Variants in TLK1 observed in about 807,000 individuals in gnomAD.
The protein encoded by TLK1 is tousled like kinase 1, also known as serine/threonine-protein kinase tousled-like 1.
In TLK1, 24 loss-of-function variants were observed where a neutral mutation model predicts 105.3. That is an observed-to-expected ratio of 0.23 (90% CI 0.17 to 0.32). The LOEUF (loss-of-function observed/expected upper bound fraction) is 0.32. Among genes scored for constraint, TLK1 ranks in the 10% least tolerant of loss-of-function variants. The probability of loss-of-function intolerance (pLI) is 1.00; values close to 1 mark genes in which losing one functional copy is unlikely to be tolerated. For missense variants in TLK1, 558 were observed against 910.5 expected (o/e 0.61, Z 4.98); for synonymous variants, 321 against 310.4 (o/e 1.03, Z -0.36).
At chr2:171,210,278 A>T (rs1357466095) in intron 1 of TLK1, among the ~76,000 whole-genome samples, 19 of 147,410 alleles carry the variant, frequency 1.3e-4, no homozygotes, top group Admixed American at 1.1e-3. Flanking sequence ...TTTTTTTATT[A>T]TTTTTTTTTT....
At position 170,993,776 on chromosome 2, in the gene TLK1, A is replaced by G; in HGVS notation, c.*4T>C. 1.3e-6 allele frequency: 2 copies of G among 1,557,804 alleles called. No homozygotes were observed. Among genetic ancestry groups the G allele is most frequent in the Non-Finnish European group, 1.7e-6 (2 of 1,150,880 alleles). On this transcript the variant is annotated 3_prime_UTR_variant, in exon 21 of 21. Transcript: ENST00000431350. ...AAAGATATCATGCCAATCTTGGAGG[A>G]AAGTCAGTAAGTAATTATGCTTGAA...
intron 5 of TLK1, 128 bp from the exon 6 acceptor site, chr2:171,056,694 G>GAA: frequency 2.0e-6 from 1 of 508,664 alleles, no homozygotes; most frequent in Non-Finnish European, 3.1e-6. Flanking sequence ...AATGGGTCCA[G>GAA]AACAAAAAAA....
chr2:171,080,022 A>ATT (rs1553473966), intron 3 of TLK1, among the ~76,000 whole-genome samples: 2 of 151,978 alleles, frequency 1.3e-5, no homozygotes, highest in Non-Finnish European at 2.9e-5. Flanking sequence ...GGAGAAAGCA[A>ATT]TTTTTTTTAA....
chr2:171,124,277 A>C, intron 1 of TLK1, among the ~76,000 whole-genome samples: 1 of 152,228 alleles, frequency 6.6e-6, no homozygotes, highest in Admixed American at 6.5e-5. Flanking sequence ...AAATGACTTT[A>C]CCACATTCTT....
rs1692449438 is a variant in TLK1, at chr2:171,160,613, G to A, written c.-185C>T. 1.1e-6 allele frequency: 1 copy of A among 893,910 alleles called. No individual in the cohort carries two copies. Among genetic ancestry groups the A allele is most frequent in the African/African-American group, 1.8e-5 (1 of 56,516 alleles). The allele number at this position is 893,910 out of a possible 1,614,324, so 55.4% of individuals were successfully genotyped here. A position where few individuals can be genotyped will look rare whatever the true frequency, so the allele number is the denominator to read the frequency against. On this transcript the variant is annotated 5_prime_UTR_variant, in exon 1 of 21. Transcript: ENST00000431350. This position sits in a 1 kb window ranked among gnomAD's most constrained non-coding sequence, Gnocchi z 4.4. The stretch of plus-strand genomic sequence containing the variant: ...GGGGAGGTGGGGAGGAAAGAGGTGA[G>A]GGAAGGAGAGGGGACAGGGAGGAGG...
intron 11 of TLK1, among the ~76,000 whole-genome samples, chr2:171,034,660 A>C (rs962291344): frequency 4.6e-5 from 7 of 152,172 alleles, no homozygotes; most frequent in Non-Finnish European, 8.8e-5. Context: ...ACTAGAGAGA[A>C]GTGATGGTAC....
intron 2 of TLK1, among the ~76,000 whole-genome samples, chr2:171,094,928 G>C (rs908852118): frequency 6.6e-6 from 1 of 152,094 alleles, no homozygotes; most frequent in Admixed American, 6.6e-5. Flanking sequence ...TTTTCTAAAG[G>C]GGGAGAAGAG....
chr2:171,157,343 T>C (rs1163941886), intron 1 of TLK1, among the ~76,000 whole-genome samples: 3 of 152,172 alleles, frequency 2.0e-5, no homozygotes, highest in African/African-American at 4.8e-5. Flanking sequence ...GGCCTTTACT[T>C]GAAAACCTTT....
At chr2:171,228,236 G>A (rs1693935724) in intron 1 of TLK1, among the ~76,000 whole-genome samples, 2 of 152,138 alleles carry the variant, frequency 1.3e-5, no homozygotes, top group Admixed American at 6.6e-5. Context: ...CTGTAGGCCA[G>A]GGACAAGGCA....
intron 3 of TLK1, among the ~76,000 whole-genome samples, chr2:171,061,535 C>T (rs555251228): frequency 2.0e-5 from 3 of 152,270 alleles, no homozygotes; most frequent in Admixed American, 6.5e-5. Flanking sequence ...TAGTTTCCTA[C>T]TACTCAAACA....
At chr2:171,007,344 TA>T (rs2105363825) in intron 14 of TLK1, among the ~76,000 whole-genome samples, 1 of 152,146 alleles carries the variant, frequency 6.6e-6, no homozygotes, top group South Asian at 2.1e-4. Flanking sequence ...ATAAAGCTAT[TA>T]TTTGTTTTTA....
chr2:171,179,426 AATG>A (rs1692887998), intron 1 of TLK1, among the ~76,000 whole-genome samples: 3 of 152,196 alleles, frequency 2.0e-5, no homozygotes, highest in African/African-American at 4.8e-5. Context: ...TGGATTCCCC[AATG>A]CCCCCTATTT....
chr2:171,098,102 G>A (rs896701083), intron 2 of TLK1, among the ~76,000 whole-genome samples: 1 of 152,124 alleles, frequency 6.6e-6, no homozygotes, highest in East Asian at 1.9e-4. Flanking sequence ...CAGGAACTAG[G>A]GGGTAGGGGA....
intron 20 of TLK1, 44 bp downstream of exon 20, chr2:170,996,609 A>C (rs372222009): frequency 1.6e-5 from 25 of 1,518,200 alleles, no homozygotes; most frequent in Middle Eastern, 3.5e-4. Context: ...ACAACTGATG[A>C]AAGAAAAGTT....
chr2:171,048,887 A>T (rs1440186740), intron 10 of TLK1, among the ~76,000 whole-genome samples: 1 of 152,236 alleles, frequency 6.6e-6, no homozygotes, highest in African/African-American at 2.4e-5. Context: ...GGTTTAAAAA[A>T]ATTTTCCACC....
chr2:171,178,677 A>C (rs1692875430), intron 1 of TLK1, among the ~76,000 whole-genome samples: 1 of 152,240 alleles, frequency 6.6e-6, no homozygotes, highest in African/African-American at 2.4e-5. Context: ...GGAAAACTAC[A>C]GGGAAGCGTA....
At chr2:171,059,067 A>G (rs1182565526) in intron 4 of TLK1, among the ~76,000 whole-genome samples, 1 of 152,218 alleles carries the variant, frequency 6.6e-6, no homozygotes, top group Non-Finnish European at 1.5e-5. Flanking sequence ...TCCTTCTTGG[A>G]ACAAGGTGGG....
chr2:171,105,483 T>G (rs1477651887), intron 2 of TLK1, among the ~76,000 whole-genome samples: 2 of 152,032 alleles, frequency 1.3e-5, no homozygotes, highest in African/African-American at 4.8e-5. Context: ...GTCAGGAGTT[T>G]GAGACCAGCC....
chr2:171,108,630 G>T (rs929551614), intron 2 of TLK1, among the ~76,000 whole-genome samples: 5 of 151,740 alleles, frequency 3.3e-5, no homozygotes, highest in Non-Finnish European at 5.9e-5. Context: ...ATGAGACAGG[G>T]TCTCACTCTG....
Sources: gnomAD v4.1 joint callset for allele counts (sites outside exome capture counted in the v4.1 genomes callset) on GRCh38, gnomAD v4.1.1 for gene constraint, Gnocchi (gnomAD v3.1) non-coding constraint, MANE v1.5 for transcripts, NCBI Gene and HGNC (gene_info 2026-07-23, HGNC 2026-07-21) for gene names.